Variants in SKIC3 observed in about 807,000 individuals in gnomAD.
The protein encoded by SKIC3 is superkiller complex protein 3.
At chr5:95,529,827 TTTC>T in the SKIC3 span, among the ~76,000 whole-genome samples, 1 of 151,772 alleles carries the variant, frequency 6.6e-6, no homozygotes, top group Admixed American at 6.6e-5. Flanking sequence ...CTTTCTTTCT[TTTC>T]TTTTTTCTCT....
At chr5:95,515,135 G>T in the SKIC3 span, 1 of 497,694 alleles carries the variant, frequency 2.0e-6, no homozygotes, top group African/African-American at 2.0e-5. Flanking sequence ...TTCTCCCCAG[G>T]TTAGGAGTTC....
the SKIC3 span, among the ~76,000 whole-genome samples, chr5:95,548,009 T>A: frequency 6.6e-6 from 1 of 152,072 alleles, no homozygotes. Flanking sequence ...AAAAGATATT[T>A]TAATTAGTAG....
chr5:95,511,414 A>G, the SKIC3 span, among the ~76,000 whole-genome samples: 3 of 152,212 alleles, frequency 2.0e-5, no homozygotes, highest in South Asian at 6.2e-4. Flanking sequence ...CTCCGTCTCA[A>G]AAAATAAATA....
At chr5:95,468,195 T>G in the SKIC3 span, among the ~76,000 whole-genome samples, 234 of 152,322 alleles carry the variant, frequency 1.5e-3, no homozygotes, top group Non-Finnish European at 2.4e-3. Flanking sequence ...GCTAAATGTT[T>G]ATACATATGG....
At chr5:95,539,000 A>G in the SKIC3 span, among the ~76,000 whole-genome samples, 1 of 152,222 alleles carries the variant, frequency 6.6e-6, no homozygotes, top group Non-Finnish European at 1.5e-5. Flanking sequence ...TATGAACACA[A>G]GAGAATGAAA....
chr5:95,513,484 T>G, the SKIC3 span: 26 of 1,438,428 alleles, frequency 1.8e-5, no homozygotes, highest in Non-Finnish European at 1.7e-5. Flanking sequence ...TAAGCCACTA[T>G]GCCTAGCCCA....
the SKIC3 span, among the ~76,000 whole-genome samples, chr5:95,546,368 G>C: frequency 8.2e-5 from 11 of 133,776 alleles, no homozygotes; most frequent in African/African-American, 2.3e-4. Context: ...AAAAAACAAA[G>C]AAAGAAACTA....
At chr5:95,491,035 A>C in the SKIC3 span, 15 of 1,613,920 alleles carry the variant, frequency 9.3e-6, no homozygotes, top group Non-Finnish European at 1.2e-5. Flanking sequence ...TAGCAGGATC[A>C]CCTGAAAACA....
the SKIC3 span, chr5:95,524,663 C>A: frequency 1.3e-6 from 2 of 1,593,912 alleles, no homozygotes; most frequent in Non-Finnish European, 1.7e-6. Context: ...ATATAGGAGA[C>A]TCCTAGTTGG....
chr5:95,513,357 T>A, the SKIC3 span: 1 of 519,368 alleles, frequency 1.9e-6, no homozygotes, highest in South Asian at 2.0e-5. Context: ...GTATACACCA[T>A]CATACCTGGC....
chr5:95,504,040 G>GATAGTCACAGGTGGA, the SKIC3 span: 1 of 1,109,212 alleles, frequency 9.0e-7, no homozygotes, highest in Non-Finnish European at 1.2e-6. Flanking sequence ...CGGACGCGGT[G>GATAGTCACAGGTGGA]GCTCACATCT....
At chr5:95,490,816 T>A in the SKIC3 span, 7 of 1,532,912 alleles carry the variant, frequency 4.6e-6, no homozygotes, top group Non-Finnish European at 6.3e-6. Flanking sequence ...ATATTTTTTA[T>A]AACAACATAT....
chr5:95,519,012 A>C, the SKIC3 span, among the ~76,000 whole-genome samples: 8 of 151,898 alleles, frequency 5.3e-5, no homozygotes, highest in Non-Finnish European at 4.4e-5. Context: ...CTGGGGTGAC[A>C]TGATACCTTA....
chr5:95,473,315 C>T, the SKIC3 span, among the ~76,000 whole-genome samples: 1 of 151,984 alleles, frequency 6.6e-6, no homozygotes, highest in Admixed American at 6.6e-5. Context: ...GGGTCTCAAG[C>T]TCTGTGGCCC....
At chr5:95,549,758 T>G in the SKIC3 span, among the ~76,000 whole-genome samples, 2 of 152,024 alleles carry the variant, frequency 1.3e-5, no homozygotes, top group Admixed American at 1.3e-4. Flanking sequence ...AATTTTTATT[T>G]TTATTTTTGA....
chr5:95,530,328 G>T, the SKIC3 span: 2 of 1,365,650 alleles, frequency 1.5e-6, no homozygotes, highest in Non-Finnish European at 1.0e-6. Flanking sequence ...ATATTCTTAT[G>T]CATTCTTCAC....
At chr5:95,517,533 T>C in the SKIC3 span, among the ~76,000 whole-genome samples, 1 of 152,120 alleles carries the variant, frequency 6.6e-6, no homozygotes, top group African/African-American at 2.4e-5. Flanking sequence ...GCCAGAAATT[T>C]TGTGGACACT....
chr5:95,515,402 A>G, the SKIC3 span, among the ~76,000 whole-genome samples: 3 of 152,182 alleles, frequency 2.0e-5, no homozygotes, highest in Non-Finnish European at 4.4e-5. Flanking sequence ...GGAAACTTCA[A>G]AAATATCTAA....
chr5:95,550,228 A>G, the SKIC3 span, among the ~76,000 whole-genome samples: 66 of 152,212 alleles, frequency 4.3e-4, no homozygotes, highest in Non-Finnish European at 1.6e-4. Flanking sequence ...GTCATGCCAT[A>G]AAGGCAATGA....
Sources: gnomAD v4.1 joint callset for allele counts (sites outside exome capture counted in the v4.1 genomes callset) on GRCh38, gnomAD v4.1.1 for gene constraint, MANE v1.5 for transcripts, NCBI Gene and HGNC (gene_info 2026-07-23, HGNC 2026-07-21) for gene names.